The following ITPKB variants were observed in gnomAD, a reference collection of about 807,000 sequenced individuals.
ITPKB encodes inositol-trisphosphate 3-kinase B, also known as IP3 3-kinase B.
ITPKB carries 13 observed loss-of-function variants against 69.4 expected under a neutral mutation model. The ratio of observed to expected loss-of-function variants is 0.19; its 90% CI spans 0.12 to 0.30. The LOEUF (loss-of-function observed/expected upper bound fraction) is 0.30. Among genes scored for constraint, ITPKB ranks in the 10% least tolerant of loss-of-function variants. ITPKB has a pLI of 1.00. For synonymous variants in ITPKB, 584 were observed against 513.7 expected, an observed-to-expected ratio of 1.14 and a Z score of -1.85; for missense variants, 1,240 against 1,250.5, an observed-to-expected ratio of 0.99 and a Z score of 0.13.
chr1:226,709,249 G>T (rs1306070944), intron 2 of ITPKB, among the ~76,000 whole-genome samples: 1 of 152,218 alleles, frequency 6.6e-6, no homozygotes, highest in Non-Finnish European at 1.5e-5. Flanking sequence ...GCATGAGTAT[G>T]TCTCATGCCT....
At chr1:226,721,816 C>CTT (rs1009629370) in intron 2 of ITPKB, among the ~76,000 whole-genome samples, 10 of 139,950 alleles carry the variant, frequency 7.1e-5, no homozygotes, top group Admixed American at 5.8e-4. Context: ...TCTTTTCTTT[C>CTT]TTTTTTTTTT....
chr1:226,661,850 C>T (rs564470662), intron 2 of ITPKB, among the ~76,000 whole-genome samples: 1 of 152,172 alleles, frequency 6.6e-6, no homozygotes, highest in Non-Finnish European at 1.5e-5. Context: ...CAGATGTTAG[C>T]AGTAGGGTCT....
intron 3 of ITPKB, 76 bp from the exon 4 acceptor site, chr1:226,647,456 C>T: frequency 9.7e-7 from 1 of 1,029,982 alleles, no homozygotes; most frequent in South Asian, 1.4e-5. Flanking sequence ...AGCACAGGGT[C>T]TGGGCCTCCC....
intron 2 of ITPKB, among the ~76,000 whole-genome samples, chr1:226,714,254 C>T (rs1657041852): frequency 6.6e-6 from 1 of 152,210 alleles, no homozygotes; most frequent in Non-Finnish European, 1.5e-5. Flanking sequence ...TGTAGCTTTA[C>T]AAGTCAGTAT....
intron 2 of ITPKB, among the ~76,000 whole-genome samples, chr1:226,700,101 G>C (rs1281913283): frequency 6.6e-6 from 1 of 152,080 alleles, no homozygotes; most frequent in Non-Finnish European, 1.5e-5. Flanking sequence ...ATTAAGGGTG[G>C]GTCTGCCTTT....
intron 2 of ITPKB, chr1:226,707,968 T>C (rs1026548066): frequency 6.1e-6 from 7 of 1,142,936 alleles, no homozygotes; most frequent in African/African-American, 1.6e-5. Context: ...TGGCTGCATA[T>C]GGCAATAACT....
chr1:226,637,626 G>T lies in ITPKB; in HGVS notation c.2625+53C>A. The T allele has an allele frequency of 1.4e-6, 2 of 1,392,052 alleles. No homozygotes were observed. The highest frequency in any genetic ancestry group is 2.0e-6 in the Non-Finnish European group (2 of 980,982). 86.2% of individuals were successfully genotyped at this position (1,392,052 alleles called of 1,614,324 possible). On this transcript the variant is annotated intron_variant, in intron 7 of 7. Coordinates refer to ENST00000429204, the MANE Select transcript of ITPKB (RefSeq NM_002221.4). The surrounding 1 kb of genome is among the most constrained non-coding windows in gnomAD (Gnocchi z 4.3). ...GGGCTTCTGGAAGGAGAAGGAGAAGGCCTGTTGGCACGCGCAGCATTCTGC... is the reference window on the plus strand; with the variant it reads ...GGGCTTCTGGAAGGAGAAGGAGAAGTCCTGTTGGCACGCGCAGCATTCTGC...
chr1:226,658,022 C>T (rs139909480), intron 2 of ITPKB, among the ~76,000 whole-genome samples: 24 of 152,274 alleles, frequency 1.6e-4, no homozygotes, highest in East Asian at 1.5e-3. Context: ...AACAAAGCGT[C>T]GAAAGTGGAT....
At position 226,637,817 on chromosome 1, in the gene ITPKB, G is replaced by T; in HGVS notation, c.2554-67C>A. On this transcript the variant is annotated intron_variant, in intron 6 of 7. Transcript: ENST00000429204. The surrounding 1 kb of genome is among the most constrained non-coding windows in gnomAD (Gnocchi z 4.3). ...GGAAGGGCAGTGTCAGAACACCCAT[G>T]CGGCCTCTAGTGGTCCCTCCCGTGA... 3.4e-6 allele frequency: 4 copies of T among 1,192,482 alleles called. No individual in the cohort carries two copies. Among genetic ancestry groups the T allele is most frequent in the Non-Finnish European group, 3.7e-6 (3 of 807,646 alleles). The allele number at this position is 1,192,482 out of a possible 1,614,324, so 73.9% of individuals were successfully genotyped here. A position where few individuals can be genotyped will look rare whatever the true frequency, so the allele number is the denominator to read the frequency against.
At chr1:226,663,185 C>T (rs1169969124) in intron 2 of ITPKB, among the ~76,000 whole-genome samples, 2 of 152,186 alleles carry the variant, frequency 1.3e-5, no homozygotes, top group Non-Finnish European at 2.9e-5. Context: ...ATCGCCCTTC[C>T]CCGTGCATCT....
intron 2 of ITPKB, among the ~76,000 whole-genome samples, chr1:226,701,766 G>A (rs992259185): frequency 6.6e-6 from 1 of 152,070 alleles, no homozygotes; most frequent in Non-Finnish European, 1.5e-5. Context: ...TGCTGGCTGC[G>A]CCTGAAATGA....
intron 2 of ITPKB, among the ~76,000 whole-genome samples, chr1:226,670,139 G>T (rs2102765568): frequency 7.4e-6 from 1 of 134,704 alleles, no homozygotes; most frequent in East Asian, 2.2e-4. Context: ...CTCCCAAAAT[G>T]CTGGGATTAC....
intron 2 of ITPKB, among the ~76,000 whole-genome samples, chr1:226,720,958 CT>C (rs1203345324): frequency 2.0e-5 from 3 of 151,466 alleles, no homozygotes; most frequent in African/African-American, 7.3e-5. Flanking sequence ...AGAAGAATCG[CT>C]TGAACCCGGG....
chr1:226,721,961 G>A (rs1208547978), intron 2 of ITPKB, among the ~76,000 whole-genome samples: 4 of 151,286 alleles, frequency 2.6e-5, no homozygotes, highest in Non-Finnish European at 4.4e-5. Flanking sequence ...TTACAGGCGC[G>A]CACCACCACA....
intron 2 of ITPKB, among the ~76,000 whole-genome samples, chr1:226,697,645 C>T (rs1340484333): frequency 6.6e-6 from 1 of 152,218 alleles, no homozygotes; most frequent in Non-Finnish European, 1.5e-5. Context: ...AAGCACTCTG[C>T]TGAGCACTGA....
chr1:226,723,413 C>T (rs1002596120), intron 2 of ITPKB, among the ~76,000 whole-genome samples: 7 of 152,110 alleles, frequency 4.6e-5, no homozygotes, highest in African/African-American at 1.7e-4. Context: ...TCCTTAATCT[C>T]AGAGAGAGCC....
chr1:226,657,549 C>G (rs1669319108), intron 2 of ITPKB, among the ~76,000 whole-genome samples: 1 of 152,124 alleles, frequency 6.6e-6, no homozygotes, highest in African/African-American at 2.4e-5. Flanking sequence ...GGGAAATGAT[C>G]CCTGGACCCT....
At chr1:226,658,707 G>A (rs148786191) in intron 2 of ITPKB, among the ~76,000 whole-genome samples, 166 of 152,290 alleles carry the variant, frequency 1.1e-3, no homozygotes, top group Middle Eastern at 6.8e-3. Flanking sequence ...CCTCCACAGC[G>A]CTGCTCACCA....
In ITPKB at chr1:226,635,206, TTTCC is replaced by T. The variant is rs1330256735; in HGVS notation, c.2626-324_2626-321del. Among the ~76,000 whole-genome samples the T allele has an allele frequency of 3.3e-5, 5 of 152,058 alleles. No homozygotes were observed. The East Asian group carries it at 7.7e-4, about 24-fold the overall frequency. On this transcript the variant is annotated intron_variant, in intron 7 of 7. Coordinates refer to ENST00000429204, the MANE Select transcript of ITPKB (RefSeq NM_002221.4). ...TTTCCTTCCTTCCTGCCTTCCTTCT[TTTCC>T]TTCCTTTCTTCCCTTCCTTCCTTCC...
Sources: allele counts gnomAD v4.1 joint callset (sites outside exome capture counted in the v4.1 genomes callset), GRCh38; gene constraint gnomAD v4.1.1; non-coding constraint Gnocchi (gnomAD v3.1); transcripts MANE v1.5; gene names NCBI Gene and HGNC (gene_info 2026-07-23, HGNC 2026-07-21).